PCDHA11: variants seen among roughly 807,000 people sequenced by gnomAD.
The protein encoded by PCDHA11 is protocadherin alpha-11.
A neutral mutation model predicts 70.3 loss-of-function variants in PCDHA11; 61 were observed. The observed-to-expected ratio is 0.87, with a 90% CI of 0.71 to 1.07. The LOEUF (loss-of-function observed/expected upper bound fraction) is 1.07, where lower values mean the gene tolerates loss of function less well. PCDHA11 is among the 50% of genes least tolerant of loss of function. PCDHA11 has a pLI of 0.00. For synonymous variants in PCDHA11, 633 were observed against 555.1 expected (o/e 1.14, Z -1.97); for missense variants, 1,324 against 1,237.5 (o/e 1.07, Z -1.05).
At chr5:140,953,127 G>T (rs909395659) in intron 1 of PCDHA11, among the ~76,000 whole-genome samples, 8 of 152,178 alleles carry the variant, frequency 5.3e-5, no homozygotes, top group African/African-American at 1.4e-4. Flanking sequence ...GATCTAAACC[G>T]TATCACTGTT....
In PCDHA11 at chr5:140,882,919, A is replaced by G. The variant is rs781879301; in HGVS notation, c.2391+11425A>G. 7.4e-6 allele frequency: 12 copies of G among 1,614,104 alleles called. No homozygotes were observed. In the East Asian group the frequency reaches 2.7e-4, roughly 36 times the overall value. The stretch of plus-strand genomic sequence containing the variant: ...GTTTATTACTGACAGCCAGTGATGG[A>G]GGTAAACCCGAGCTGACTGGCACAG... On this transcript the variant is annotated intron_variant, in intron 1 of 3. Coordinates refer to ENST00000398640, the MANE Select transcript of PCDHA11 (RefSeq NM_018902.5).
rs1554263662 is a variant in PCDHA11 at position 141,011,810 on chromosome 5, G to A, written c.*1873G>A. The A allele has an allele frequency of 6.5e-6, 1 of 153,716 alleles. No individual in the cohort carries two copies. The highest frequency in any genetic ancestry group is 1.9e-4 in the East Asian group (1 of 5,198). 9.5% of individuals were successfully genotyped at this position (153,716 alleles called of 1,614,324 possible). ...ATGGTATCTGAAATATCAGCTCATA[G>A]AAAGTAACAAAATTTGCTGTCACCT... On this transcript the variant is annotated 3_prime_UTR_variant, in exon 4 of 4. Coordinates refer to ENST00000398640, the MANE Select transcript of PCDHA11 (RefSeq NM_018902.5).
intron 1 of PCDHA11, among the ~76,000 whole-genome samples, chr5:140,921,910 A>G (rs1474219286): frequency 6.6e-6 from 1 of 152,086 alleles, no homozygotes; most frequent in Non-Finnish European, 1.5e-5. Context: ...TATATATTAC[A>G]TGATAAAACT....
At chr5:140,961,975 C>T (rs1241757389) in intron 1 of PCDHA11, among the ~76,000 whole-genome samples, 1 of 152,034 alleles carries the variant, frequency 6.6e-6, no homozygotes, top group Non-Finnish European at 1.5e-5. Flanking sequence ...CCTCCGCCTC[C>T]TGGGTTCACG....
Position 140,968,026 on chromosome 5 carries a change from A to G in PCDHA11, c.2392-10923A>G, listed in dbSNP as rs570318168. 9.3e-6 allele frequency: 15 copies of G among 1,614,066 alleles called. No individual in the cohort carries two copies. In the Admixed American group the frequency reaches 1.8e-4, roughly 20 times the overall value. On this transcript the variant is annotated intron_variant, in intron 1 of 3. Transcript: ENST00000398640. ...TGAATGGCTTTGGAAACTCCTATACACTGGTGGTGAGCGGCCCACTGGACC... is the reference window on the plus strand; with the variant it reads ...TGAATGGCTTTGGAAACTCCTATACGCTGGTGGTGAGCGGCCCACTGGACC...
At chr5:140,962,174 C>T (rs1365738124) in intron 1 of PCDHA11, among the ~76,000 whole-genome samples, 1 of 152,100 alleles carries the variant, frequency 6.6e-6, no homozygotes, top group Admixed American at 6.6e-5. Context: ...CACACCCGGC[C>T]ACTTATATCA....
chr5:140,902,734 C>T (rs1345954248), intron 1 of PCDHA11, among the ~76,000 whole-genome samples: 1 of 151,052 alleles, frequency 6.6e-6, no homozygotes, highest in Non-Finnish European at 1.5e-5. Flanking sequence ...CCCTCCAAGT[C>T]CCCCAAATCC....
At chr5:140,967,060 G>A in intron 1 of PCDHA11, 1 of 1,612,802 alleles carries the variant, frequency 6.2e-7, no homozygotes, top group Non-Finnish European at 8.5e-7. Flanking sequence ...CGAGTGGAGC[G>A]CTCTTCGTCA....
chr5:140,947,347 G>A (rs1554218167), intron 1 of PCDHA11, among the ~76,000 whole-genome samples: 1 of 151,534 alleles, frequency 6.6e-6, no homozygotes, highest in Non-Finnish European at 1.5e-5. Context: ...CTTAATTCTG[G>A]ACTCTATTTC....
intron 3 of PCDHA11, among the ~76,000 whole-genome samples, chr5:140,999,070 T>A (rs930538088): frequency 6.1e-4 from 93 of 152,328 alleles, no homozygotes; most frequent in African/African-American, 2.1e-3. Context: ...GTAGTCTCCT[T>A]CACTTCCTCC....
At chr5:141,007,156 G>A (rs1289202250) in intron 3 of PCDHA11, among the ~76,000 whole-genome samples, 2 of 152,148 alleles carry the variant, frequency 1.3e-5, no homozygotes, top group Non-Finnish European at 1.5e-5. Context: ...AACTGTCAAA[G>A]AACAGTCAGA....
At chr5:140,876,174 T>G (rs957879450) in intron 1 of PCDHA11, 2 of 1,613,816 alleles carry the variant, frequency 1.2e-6, no homozygotes, top group African/African-American at 2.7e-5. Flanking sequence ...CCGTCCTGGA[T>G]GTGAATGACA....
chr5:140,968,127 C>T (rs1217974732), intron 1 of PCDHA11: 7 of 1,614,064 alleles, frequency 4.3e-6, no homozygotes, highest in Non-Finnish European at 5.9e-6. Context: ...TCCCTGCGTA[C>T]ACTGAAGGTT....
rs190283736 is a variant in PCDHA11 at position 140,986,671 on chromosome 5, A to G, written c.2539+4108A>G. 1.7e-3 allele frequency among the ~76,000 whole-genome samples: 261 copies of G among 152,322 alleles called. 3 individuals carry two copies. The highest frequency in any genetic ancestry group is 2.2e-4 in the Non-Finnish European group (15 of 68,018). ...GTGGGAGATGCTCACAGTTTTCAGA[A>G]GAGTTCAGAAAGTTTCAAAACACAC... On this transcript the variant is annotated intron_variant, in intron 3 of 3. Coordinates refer to ENST00000398640, the MANE Select transcript of PCDHA11 (RefSeq NM_018902.5).
At chr5:140,907,519 C>A (rs1378450434) in intron 1 of PCDHA11, among the ~76,000 whole-genome samples, 3 of 152,184 alleles carry the variant, frequency 2.0e-5, no homozygotes, top group Non-Finnish European at 4.4e-5. Flanking sequence ...CCAGTGAGGA[C>A]AAATCGCTGC....
chr5:140,989,387 T>A (rs1269344397), intron 3 of PCDHA11, among the ~76,000 whole-genome samples: 2 of 152,122 alleles, frequency 1.3e-5, no homozygotes, highest in Non-Finnish European at 2.9e-5. Context: ...GTGGGAAAGA[T>A]GATATGGAGG....
chr5:140,951,773 A>T (rs1554220071), intron 1 of PCDHA11, among the ~76,000 whole-genome samples: 1 of 152,198 alleles, frequency 6.6e-6, no homozygotes, highest in East Asian at 1.9e-4. Context: ...TGACGTTCTT[A>T]CATTGCAAAA....
chr5:140,917,130 C>T (rs1449410463), intron 1 of PCDHA11, among the ~76,000 whole-genome samples: 1 of 152,060 alleles, frequency 6.6e-6, no homozygotes, highest in Non-Finnish European at 1.5e-5. Flanking sequence ...AGACTCCCCA[C>T]GTTGCTCAGC....
intron 1 of PCDHA11, chr5:140,882,138 T>C: frequency 6.7e-7 from 1 of 1,489,248 alleles, no homozygotes; most frequent in South Asian, 1.4e-5. Context: ...CTGCAGAAAA[T>C]ATAGCAGAAA....
Sources: gnomAD v4.1 joint callset for allele counts (sites outside exome capture counted in the v4.1 genomes callset) on GRCh38, gnomAD v4.1.1 for gene constraint, MANE v1.5 for transcripts, NCBI Gene and HGNC (gene_info 2026-07-23, HGNC 2026-07-21) for gene names.